The following ZC3H12B variants were observed in gnomAD, a reference collection of about 807,000 sequenced individuals.
ZC3H12B encodes the protein probable ribonuclease ZC3H12B.
A neutral mutation model predicts 43.9 loss-of-function variants in ZC3H12B; 7 were observed. The observed-to-expected ratio is 0.16, with a 90% CI of 0.09 to 0.30. ZC3H12B has a LOEUF of 0.30. ZC3H12B is among the 10% of genes least tolerant of loss of function. ZC3H12B has a pLI of 1.00. For missense variants in ZC3H12B, 475 were observed against 670.2 expected, an observed-to-expected ratio of 0.71 and a Z score of 3.22; for synonymous variants, 222 against 241.7, an observed-to-expected ratio of 0.92 and a Z score of 0.76.
the ZC3H12B span, among the ~76,000 whole-genome samples, chrX:65,139,136 T>C: frequency 1.8e-5 from 2 of 112,362 alleles, no homozygotes; most frequent in Non-Finnish European, 3.8e-5. Flanking sequence ...GGCTGTGCTT[T>C]TGGTATTACA....
chrX:65,074,852 A>C, the ZC3H12B span, among the ~76,000 whole-genome samples: 3 of 111,749 alleles, frequency 2.7e-5, no homozygotes, highest in Non-Finnish European at 5.6e-5. Context: ...TTTTCATTTT[A>C]TTTATGTATC....
the ZC3H12B span, among the ~76,000 whole-genome samples, chrX:65,275,374 C>T: frequency 8.8e-6 from 1 of 113,022 alleles, no homozygotes; most frequent in African/African-American, 3.2e-5. Context: ...GCAGTCATGT[C>T]TCTAGGTAGG....
chrX:65,467,764 T>C (rs1437620494), intron 3 of ZC3H12B, among the ~76,000 whole-genome samples: 2 of 112,536 alleles, frequency 1.8e-5, no homozygotes, highest in Non-Finnish European at 3.8e-5. Context: ...GAGAAATGTC[T>C]ACTCATATCA....
the ZC3H12B span, among the ~76,000 whole-genome samples, chrX:65,202,141 TAATATGA>T: frequency 1.5e-3 from 98 of 65,889 alleles, no homozygotes; most frequent in African/African-American, 0.02. Context: ...ATATTTTATA[TAATATGA>T]AATATATATT....
At chrX:65,066,904 G>A in the ZC3H12B span, among the ~76,000 whole-genome samples, 1 of 111,676 alleles carries the variant, frequency 9.0e-6, no homozygotes, top group Non-Finnish European at 1.9e-5. Context: ...TGGGCTCTAC[G>A]CAGTCTGAAC....
At chrX:65,494,490 A>T (rs895574090) in intron 1 of ZC3H12B, among the ~76,000 whole-genome samples, 1 of 111,265 alleles carries the variant, frequency 9.0e-6, no homozygotes, top group African/African-American at 3.3e-5. Flanking sequence ...GGCAGTATAA[A>T]ATATAAAGTT....
At chrX:65,375,092 G>C (rs2066326998) in intron 2 of ZC3H12B, among the ~76,000 whole-genome samples, 1 of 111,764 alleles carries the variant, frequency 8.9e-6, no homozygotes, top group South Asian at 3.8e-4. Flanking sequence ...TAGATGTGTG[G>C]TGTGAGAAAA....
chrX:65,411,312 T>C (rs1381748002), intron 3 of ZC3H12B, among the ~76,000 whole-genome samples: 2 of 112,004 alleles, frequency 1.8e-5, no homozygotes, highest in Non-Finnish European at 3.8e-5. Flanking sequence ...TAAGAGGAGA[T>C]AGGGATGGCT....
chrX:65,310,599 C>A, the ZC3H12B span, among the ~76,000 whole-genome samples: 1 of 111,790 alleles, frequency 8.9e-6, no homozygotes, highest in Admixed American at 9.5e-5. Flanking sequence ...TCAGTGCTAT[C>A]CCCATCAAGC....
intron 3 of ZC3H12B, among the ~76,000 whole-genome samples, chrX:65,472,848 A>ATATATATATGTTTGTGTATATATATGTT (rs2067937808): frequency 6.4e-5 from 5 of 78,260 alleles, no homozygotes; most frequent in African/African-American, 3.9e-4. Context: ...ATATATATAT[A>ATATATATATGTTTGTGTATATATATGTT]TATATATATA....
At chrX:65,292,070 T>A in the ZC3H12B span, among the ~76,000 whole-genome samples, 6 of 111,803 alleles carry the variant, frequency 5.4e-5, no homozygotes, top group Non-Finnish European at 1.1e-4. Context: ...GAATCTGCTA[T>A]TACATATGAA....
exon 5 of ZC3H12B, chrX:65,503,210 T>C: frequency 1.7e-6 from 2 of 1,169,125 alleles, no homozygotes; most frequent in South Asian, 3.9e-5. Flanking sequence ...TGCACGTTGA[T>C]ATGACATAGT....
At chrX:65,118,145 C>T in the ZC3H12B span, among the ~76,000 whole-genome samples, 30 of 111,357 alleles carry the variant, frequency 2.7e-4, no homozygotes, top group Non-Finnish European at 4.9e-4. Context: ...CTATAAATTA[C>T]CTTGGGCAAT....
the ZC3H12B span, among the ~76,000 whole-genome samples, chrX:65,109,676 G>A: frequency 4.5e-5 from 5 of 111,571 alleles, no homozygotes; most frequent in African/African-American, 1.3e-4. Flanking sequence ...AAGTCTTTTT[G>A]GTGACACATT....
the ZC3H12B span, among the ~76,000 whole-genome samples, chrX:65,049,042 A>G: frequency 9.0e-6 from 1 of 111,163 alleles, no homozygotes; most frequent in Non-Finnish European, 1.9e-5. Context: ...ATTGAGTTGT[A>G]CAAGTTCCTT....
the ZC3H12B span, among the ~76,000 whole-genome samples, chrX:65,306,529 C>T: frequency 9.0e-6 from 1 of 110,777 alleles, no homozygotes; most frequent in African/African-American, 3.3e-5. Context: ...CACGCTGCCA[C>T]GCCCAGCTAA....
At chrX:65,279,403 C>CT in the ZC3H12B span, among the ~76,000 whole-genome samples, 1 of 106,497 alleles carries the variant, frequency 9.4e-6, no homozygotes, top group African/African-American at 3.5e-5. Flanking sequence ...TGATATTGAG[C>CT]TTTTTTCATA....
intron 2 of ZC3H12B, among the ~76,000 whole-genome samples, chrX:65,385,464 G>A (rs985305099): frequency 5.4e-5 from 6 of 111,718 alleles, no homozygotes; most frequent in African/African-American, 2.0e-4. Context: ...TGTTATTGGT[G>A]TATAGGAATA....
intron 3 of ZC3H12B, among the ~76,000 whole-genome samples, chrX:65,440,144 G>A (rs1011298859): frequency 3.6e-5 from 4 of 111,257 alleles, no homozygotes; most frequent in East Asian, 5.6e-4. Context: ...ATATGAAATC[G>A]TAACTAAAGC....
Sources: allele counts gnomAD v4.1 joint callset (sites outside exome capture counted in the v4.1 genomes callset), GRCh38; gene constraint gnomAD v4.1.1; transcripts MANE v1.5; gene names NCBI Gene and HGNC (gene_info 2026-07-23, HGNC 2026-07-21).